VTA1: variants seen among roughly 807,000 people sequenced by gnomAD.
VTA1 encodes vesicle trafficking 1, also known as vacuolar protein sorting-associated protein VTA1 homolog.
In VTA1, 24 loss-of-function variants were observed where a neutral mutation model predicts 36.9. That is an observed-to-expected ratio of 0.65 (90% CI 0.47 to 0.91). The LOEUF (loss-of-function observed/expected upper bound fraction) is 0.91, where lower values mean the gene tolerates loss of function less well. VTA1 is among the 40% of genes least tolerant of loss of function. The pLI, the probability that VTA1 is intolerant of heterozygous loss-of-function variation, is 0.00. For synonymous variants in VTA1, 142 were observed against 130.2 expected (o/e 1.09, Z -0.62); for missense variants, 393 against 377.2 (o/e 1.04, Z -0.35).
At chr6:142,149,544 A>G (rs1254375314) in intron 1 of VTA1, among the ~76,000 whole-genome samples, 3 of 152,128 alleles carry the variant, frequency 2.0e-5, no homozygotes, top group Non-Finnish European at 2.9e-5. Flanking sequence ...TTCGGTTTTG[A>G]AATACTTGTT....
At chr6:142,163,168 A>G (rs1020922376) in intron 1 of VTA1, among the ~76,000 whole-genome samples, 8 of 152,186 alleles carry the variant, frequency 5.3e-5, no homozygotes, top group Admixed American at 4.6e-4. Context: ...TAGTACACCA[A>G]TTCCATTAAG....
intron 4 of VTA1, among the ~76,000 whole-genome samples, chr6:142,172,507 T>C (rs1775046842): frequency 6.6e-6 from 1 of 152,216 alleles, no homozygotes; most frequent in Non-Finnish European, 1.5e-5. Flanking sequence ...TTTATACTCT[T>C]ATACAGAGTC....
At chr6:142,156,233 CG>C (rs1778659816) in intron 1 of VTA1, among the ~76,000 whole-genome samples, 2 of 151,846 alleles carry the variant, frequency 1.3e-5, no homozygotes, top group Admixed American at 6.6e-5. Flanking sequence ...TTAAAAAAAA[CG>C]GTTGAATGAA....
At chr6:142,149,205 T>G (rs1778518018) in intron 1 of VTA1, among the ~76,000 whole-genome samples, 1 of 152,170 alleles carries the variant, frequency 6.6e-6, no homozygotes, top group Non-Finnish European at 1.5e-5. Context: ...TTGTAGAGCC[T>G]TTCAGCCCAT....
chr6:142,171,792 T>C (rs1408792042), intron 4 of VTA1, among the ~76,000 whole-genome samples: 1 of 152,208 alleles, frequency 6.6e-6, no homozygotes, highest in Non-Finnish European at 1.5e-5. Flanking sequence ...GATTAAACTT[T>C]TTTTTCAAAA....
Position 142,178,822 on chromosome 6 carries a change from A to T in VTA1, c.411+8401A>T, listed in dbSNP as rs577807126. ...AGGTTTTCAGACTAGATTTTTTTTT[A>T]AAAGCAAGCCTTAACTGTATACTGT... On this transcript the variant is annotated intron_variant, in intron 4 of 7. Transcript: ENST00000367630. 8.6e-4 allele frequency among the ~76,000 whole-genome samples: 131 copies of T among 152,124 alleles called. 1 individual carries two copies. The highest frequency in any genetic ancestry group is 3.0e-3 in the African/African-American group (124 of 41,556).
At chr6:142,184,533 T>G (rs1775303451) in intron 4 of VTA1, among the ~76,000 whole-genome samples, 1 of 120,530 alleles carries the variant, frequency 8.3e-6, no homozygotes, top group Non-Finnish European at 2.0e-5. Flanking sequence ...CTGACTTGAG[T>G]AAATAATAAA....
chr6:142,158,822 A>G (rs1024462512), intron 1 of VTA1, among the ~76,000 whole-genome samples: 1 of 152,040 alleles, frequency 6.6e-6, no homozygotes, highest in South Asian at 2.1e-4. Context: ...AATGCTTACC[A>G]TAGCTTATCA....
chr6:142,185,498 A>G (rs942094198), intron 4 of VTA1, among the ~76,000 whole-genome samples: 1 of 152,196 alleles, frequency 6.6e-6, no homozygotes, highest in African/African-American at 2.4e-5. Flanking sequence ...ATTTTAAAAG[A>G]ATGTCATTTT....
intron 4 of VTA1, among the ~76,000 whole-genome samples, chr6:142,184,803 G>A (rs1309520652): frequency 6.6e-6 from 1 of 152,112 alleles, no homozygotes; most frequent in African/African-American, 2.4e-5. Context: ...CAAAGCCTTA[G>A]TGTGAGTAAA....
At chr6:142,187,143 A>C (rs1027872272) in intron 4 of VTA1, among the ~76,000 whole-genome samples, 2 of 152,182 alleles carry the variant, frequency 1.3e-5, no homozygotes, top group Non-Finnish European at 2.9e-5. Flanking sequence ...ATTCTATATG[A>C]GTTATTATTG....
chr6:142,161,025 A>T (rs1053197586), intron 1 of VTA1, among the ~76,000 whole-genome samples: 4 of 147,700 alleles, frequency 2.7e-5, no homozygotes, highest in African/African-American at 1.0e-4. Flanking sequence ...TAACGAAGGG[A>T]TGAGTGAAGT....
intron 7 of VTA1, among the ~76,000 whole-genome samples, chr6:142,211,711 TTAAAAA>T: frequency 1.4e-5 from 1 of 72,918 alleles, no homozygotes; most frequent in East Asian, 2.3e-4. Context: ...ACTCCATCTC[TTAAAAA>T]AAAAAAAAAA....
intron 4 of VTA1, among the ~76,000 whole-genome samples, chr6:142,184,411 A>G (rs938308836): frequency 1.1e-4 from 17 of 152,228 alleles, no homozygotes; most frequent in African/African-American, 3.4e-4. Flanking sequence ...GGGACTTCAG[A>G]TAAGACACGT....
At chr6:142,148,487 A>C (rs370227739) in intron 1 of VTA1, among the ~76,000 whole-genome samples, 2 of 152,080 alleles carry the variant, frequency 1.3e-5, no homozygotes, top group Admixed American at 6.5e-5. Flanking sequence ...TTTTTATTAT[A>C]CTTGTTCTTC....
intron 5 of VTA1, among the ~76,000 whole-genome samples, chr6:142,191,734 T>C (rs1355544250): frequency 1.3e-5 from 2 of 152,140 alleles, no homozygotes; most frequent in Admixed American, 1.3e-4. Context: ...AATCAGGGCT[T>C]AATGTCATAA....
chr6:142,163,568 A>C (rs1774854350), intron 1 of VTA1, among the ~76,000 whole-genome samples: 1 of 152,128 alleles, frequency 6.6e-6, no homozygotes, highest in Non-Finnish European at 1.5e-5. Flanking sequence ...GACTGCAAAT[A>C]CAATGATTTC....
intron 5 of VTA1, among the ~76,000 whole-genome samples, chr6:142,195,461 C>A (rs1462684159): frequency 6.6e-6 from 1 of 151,754 alleles, no homozygotes; most frequent in Non-Finnish European, 1.5e-5. Flanking sequence ...GCTGTTTCCT[C>A]TTTTTCCTCC....
chr6:142,196,624 T>C (rs983931538), intron 5 of VTA1, among the ~76,000 whole-genome samples: 42 of 152,214 alleles, frequency 2.8e-4, no homozygotes, highest in Admixed American at 2.5e-3. Context: ...TCATTTGTTA[T>C]GTCCATGTTT....
Sources: gnomAD v4.1 joint callset for allele counts (sites outside exome capture counted in the v4.1 genomes callset) on GRCh38, gnomAD v4.1.1 for gene constraint, MANE v1.5 for transcripts, NCBI Gene and HGNC (gene_info 2026-07-23, HGNC 2026-07-21) for gene names.